Variants in EFCAB8 observed in about 807,000 individuals in gnomAD.
EFCAB8 encodes EF-hand calcium-binding domain-containing protein 8.
A neutral mutation model predicts 116.3 loss-of-function variants in EFCAB8; 100 were observed. The ratio of observed to expected loss-of-function variants is 0.86; its 90% CI spans 0.73 to 1.02. The LOEUF is 1.02. EFCAB8 is among the 50% of genes least tolerant of loss of function. The pLI is 0.00. For missense variants in EFCAB8, 1,320 were observed against 1,416.9 expected, an observed-to-expected ratio of 0.93 and a Z score of 1.10; for synonymous variants, 558 against 567.9, an observed-to-expected ratio of 0.98 and a Z score of 0.25.
At chr20:32,955,806 G>T (rs1250858600) in intron 23 of EFCAB8, among the ~76,000 whole-genome samples, 1 of 152,138 alleles carries the variant, frequency 6.6e-6, no homozygotes, top group Non-Finnish European at 1.5e-5. Flanking sequence ...CCATGTAAGG[G>T]AGGGAAAAAG....
rs1568953021 is a variant in EFCAB8, at chr20:32,959,904, G to C, written c.3216G>C (p.Leu1072=). ...GGGCCAAGCTGCAGAAGATGGCCCT[G>C]ATGTCCCCGTGGGCCGGAGAGCGCC... is the stretch of plus-strand genomic sequence containing the variant. The part of the protein sequence containing the change: ...DTWAKLQKMA[L]MSPWAGERPL... The change falls in exon 25 of 27, where the codon CTG becomes CTC. Residue 1072 remains leucine, a synonymous_variant. Coordinates refer to ENST00000400522, the MANE Select transcript of EFCAB8 (RefSeq NM_001143967.2). The C allele has an allele frequency of 1.3e-6, 2 of 1,551,716 alleles. No homozygotes were observed. Among genetic ancestry groups the C allele is most frequent in the South Asian group, 2.4e-5 (2 of 84,054 alleles).
chr20:32,919,567 G>T (rs1452026767), intron 19 of EFCAB8, among the ~76,000 whole-genome samples: 1 of 152,058 alleles, frequency 6.6e-6, no homozygotes, highest in Admixed American at 6.6e-5. Flanking sequence ...CGTGGTCTTC[G>T]CTCAGTGCAA....
At chr20:32,943,003 C>T (rs1363416727) in intron 22 of EFCAB8, among the ~76,000 whole-genome samples, 2 of 152,182 alleles carry the variant, frequency 1.3e-5, no homozygotes, top group African/African-American at 4.8e-5. Context: ...ACTTTCCATA[C>T]TTGAATATGG....
At chr20:32,895,430 T>A (rs1294312865) in intron 9 of EFCAB8, among the ~76,000 whole-genome samples, 3 of 150,986 alleles carry the variant, frequency 2.0e-5, no homozygotes, top group African/African-American at 7.3e-5. Context: ...GCTCAAGTGA[T>A]CCTCCCACCT....
chr20:32,939,115 CTCTT>C (rs1309287679), intron 22 of EFCAB8, among the ~76,000 whole-genome samples: 25 of 122,512 alleles, frequency 2.0e-4, no homozygotes, highest in African/African-American at 7.1e-4. Flanking sequence ...CTTTCTTTCT[CTCTT>C]TCTTTCTCTT....
intron 22 of EFCAB8, among the ~76,000 whole-genome samples, chr20:32,937,917 A>G (rs558603823): frequency 6.7e-6 from 1 of 150,286 alleles, no homozygotes; most frequent in Admixed American, 6.6e-5. Flanking sequence ...ACACCTGGCT[A>G]AAGAATTAAT....
chr20:32,862,867 A>G (rs1600352110), intron 1 of EFCAB8, among the ~76,000 whole-genome samples: 1 of 152,146 alleles, frequency 6.6e-6, no homozygotes, highest in South Asian at 2.1e-4. Context: ...TGTTGACCTC[A>G]GGCAATCCTT....
intron 23 of EFCAB8, among the ~76,000 whole-genome samples, chr20:32,944,456 CTCTG>C (rs761233019): frequency 4.5e-4 from 69 of 152,046 alleles, no homozygotes; most frequent in Middle Eastern, 3.4e-3. Context: ...CAGAGTGAGA[CTCTG>C]TCTAAAAAAA....
At chr20:32,912,631 G>T in intron 16 of EFCAB8, among the ~76,000 whole-genome samples, 163 bp from the exon 17 acceptor site, 1 of 152,128 alleles carries the variant, frequency 6.6e-6, no homozygotes, top group East Asian at 1.9e-4. Context: ...TGAGGGAATA[G>T]GATGTGAGAA....
chr20:32,895,902 G>A (rs1986138464), intron 9 of EFCAB8, among the ~76,000 whole-genome samples: 1 of 152,010 alleles, frequency 6.6e-6, no homozygotes, highest in African/African-American at 2.4e-5. Context: ...GGCCTCAAGT[G>A]ACCTTCCCAC....
At chr20:32,909,976 G>C (rs1274851619) in intron 15 of EFCAB8, 45 bp downstream of exon 15, 1 of 1,069,312 alleles carries the variant, frequency 9.4e-7, no homozygotes. Flanking sequence ...GGAACACCAG[G>C]TGACACGGGG....
At chr20:32,901,734 C>A (rs915168933) in intron 11 of EFCAB8, among the ~76,000 whole-genome samples, 1 of 152,250 alleles carries the variant, frequency 6.6e-6, no homozygotes, top group East Asian at 1.9e-4. Context: ...AGTGCCCAGG[C>A]TGGAGTGCGG....
chr20:32,906,343 C>T (rs979285768), intron 11 of EFCAB8, among the ~76,000 whole-genome samples: 4 of 152,136 alleles, frequency 2.6e-5, no homozygotes, highest in African/African-American at 9.7e-5. Flanking sequence ...CAGGACTGGG[C>T]TGCTGCTTTG....
At chr20:32,920,004 T>C in intron 19 of EFCAB8, 74 bp from the exon 20 acceptor site, 1 of 1,543,262 alleles carries the variant, frequency 6.5e-7, no homozygotes, top group Non-Finnish European at 8.8e-7. Context: ...TTTATCATCT[T>C]CCTCTGGTCT....
Position 32,885,502 on chromosome 20 carries a change from C to A in EFCAB8, c.432-3C>A, listed in dbSNP as rs1345425751. The A allele has an allele frequency of 6.4e-7, 1 of 1,551,780 alleles. No homozygotes were observed. Among genetic ancestry groups the A allele is most frequent in the South Asian group, 1.2e-5 (1 of 84,054 alleles). The stretch of plus-strand genomic sequence containing the variant: ...CTCTTCTCTCTTTCATCGCCTCCCA[C>A]AGGAACCATGGCTGTGAGGTGGTGA... On this transcript the variant is annotated splice_region_variant and splice_polypyrimidine_tract_variant and intron_variant, in intron 5 of 26. Transcript: ENST00000400522.
rs74339605 is a variant in EFCAB8, at chr20:32,905,911, A to G, written c.1089-651A>G. ...TTCTGCTGTTGTCTCAAATGCCAAG[A>G]TGCCATATTTTGGGGTAGCATGTCC... On this transcript the variant is annotated intron_variant, in intron 11 of 26. Coordinates refer to ENST00000400522, the MANE Select transcript of EFCAB8 (RefSeq NM_001143967.2). Among the ~76,000 whole-genome samples, 1,505 of 152,116 alleles carry G rather than the reference A, an allele frequency of 9.9e-3. 22 individuals carry two copies. Among genetic ancestry groups the G allele is most frequent in the African/African-American group, 0.033 (1,354 of 41,462 alleles).
intron 9 of EFCAB8, 96 bp from the exon 10 acceptor site, chr20:32,896,358 G>A: frequency 2.9e-6 from 2 of 678,236 alleles, no homozygotes; most frequent in South Asian, 1.7e-5. Context: ...GAGAAGCACA[G>A]GAGTTGCAAG....
intron 9 of EFCAB8, 133 bp from the exon 10 acceptor site, chr20:32,896,321 G>A (rs544674352): frequency 6.5e-5 from 41 of 633,742 alleles, no homozygotes; most frequent in Middle Eastern, 4.0e-4. Context: ...TGAGGTGCCA[G>A]TGAGGGTTTG....
chr20:32,899,805 C>T (rs996405948), intron 11 of EFCAB8, among the ~76,000 whole-genome samples: 5 of 152,258 alleles, frequency 3.3e-5, no homozygotes, highest in South Asian at 4.2e-4. Flanking sequence ...AACTCCTGAT[C>T]TCAGGTTATC....
Sources: gnomAD v4.1 joint callset for allele counts (sites outside exome capture counted in the v4.1 genomes callset) on GRCh38, gnomAD v4.1.1 for gene constraint, MANE v1.5 for transcripts, NCBI Gene and HGNC (gene_info 2026-07-23, HGNC 2026-07-21) for gene names.